Variants in FAM47E observed in about 807,000 individuals in gnomAD.
FAM47E encodes protein FAM47E.
FAM47E carries 32 observed loss-of-function variants against 41.6 expected under a neutral mutation model. The ratio of observed to expected loss-of-function variants is 0.77; its 90% CI spans 0.58 to 1.03. The LOEUF is 1.03. Ranked by LOEUF, FAM47E falls within the 50% of genes least tolerant of loss-of-function variation. FAM47E has a pLI of 0.00. For missense variants in FAM47E, 424 were observed against 485.4 expected, an observed-to-expected ratio of 0.87 and a Z score of 1.19; for synonymous variants, 184 against 188.7, an observed-to-expected ratio of 0.98 and a Z score of 0.20.
chr4:76,234,786 T>C (rs1253253964), intron 2 of FAM47E, among the ~76,000 whole-genome samples: 1 of 152,156 alleles, frequency 6.6e-6, no homozygotes, highest in Admixed American at 6.5e-5. Context: ...GGCGGTGTGT[T>C]CCTGTAGTTC....
chr4:76,221,292 A>G (rs1733302922), intron 2 of FAM47E, among the ~76,000 whole-genome samples: 1 of 152,002 alleles, frequency 6.6e-6, no homozygotes, highest in East Asian at 1.9e-4. Context: ...TCTTTTCCCC[A>G]CTAAAGCCTA....
Position 76,253,783 on chromosome 4 carries a change from A to C in FAM47E, c.74+1963A>C, listed in dbSNP as rs576725999. ...TACACCATTGCACTCCAGCCTGGGT[A>C]ACAGAGTGGAACCCTGTCTCGAATT... On this transcript the variant is annotated intron_variant, in intron 1 of 7. Transcript: ENST00000424749. 2.4e-4 allele frequency among the ~76,000 whole-genome samples: 36 copies of C among 149,416 alleles called. No homozygotes were observed. The South Asian group carries it at 7.3e-3, about 30-fold the overall frequency.
rs181198321 is a variant in FAM47E at position 76,282,124 on chromosome 4, T to C, written c.1105-1257T>C. The C allele has an allele frequency of 7.5e-3, 1,140 of 152,332 alleles. 11 individuals carry two copies. Among genetic ancestry groups the C allele is most frequent in the African/African-American group, 0.026 (1,064 of 41,558 alleles). 9.4% of individuals were successfully genotyped at this position (152,332 alleles called of 1,614,324 possible). A position where few individuals can be genotyped will look rare whatever the true frequency, so the allele number is the denominator to read the frequency against. ...ATTTACAATATAGTGTGTGCGTCAA[T>C]AATTTCTAACAGAATCTTAAAATAG... On this transcript the variant is annotated intron_variant, in intron 7 of 7. Transcript: ENST00000424749.
intron 2 of FAM47E, among the ~76,000 whole-genome samples, chr4:76,243,812 A>G (rs1034431035): frequency 6.6e-6 from 1 of 152,164 alleles, no homozygotes; most frequent in Non-Finnish European, 1.5e-5. Flanking sequence ...TTACATAGGT[A>G]TACATGTGCC....
chr4:76,219,510 G>A (rs945045430), intron 2 of FAM47E, among the ~76,000 whole-genome samples: 7 of 152,164 alleles, frequency 4.6e-5, no homozygotes, highest in African/African-American at 1.2e-4. Context: ...TGAAATCAGG[G>A]CTAAATAAAC....
At chr4:76,265,225 T>C (rs2110014091) in intron 3 of FAM47E, among the ~76,000 whole-genome samples, 1 of 152,352 alleles carries the variant, frequency 6.6e-6, no homozygotes, top group Middle Eastern at 3.4e-3. Flanking sequence ...AGTTCTGCCT[T>C]TCCTCCATGA....
chr4:76,214,386 A>G (rs1306777818), exon 1 of FAM47E: 2 of 435,812 alleles, frequency 4.6e-6, no homozygotes, highest in Admixed American at 2.5e-5. Context: ...GAAGATGTGC[A>G]AAAAAGGGAG....
At chr4:76,245,450 A>C (rs1733805329) in intron 2 of FAM47E, among the ~76,000 whole-genome samples, 1 of 152,154 alleles carries the variant, frequency 6.6e-6, no homozygotes, top group Non-Finnish European at 1.5e-5. Context: ...CTCCAAGAGA[A>C]GGAAGAAATA....
intron 2 of FAM47E, among the ~76,000 whole-genome samples, chr4:76,233,722 C>A (rs977709972): frequency 2.0e-5 from 3 of 152,096 alleles, no homozygotes; most frequent in African/African-American, 7.2e-5. Flanking sequence ...CCAACCACAG[C>A]AGGCTCATCC....
chr4:76,214,371 G>A (rs909978400), exon 1 of FAM47E: 4 of 445,774 alleles, frequency 9.0e-6, no homozygotes, highest in African/African-American at 8.1e-5. Context: ...GCATGTGCAA[G>A]AATGGAAGAT....
chr4:76,239,359 G>A (rs941557723), intron 2 of FAM47E, among the ~76,000 whole-genome samples: 1 of 152,050 alleles, frequency 6.6e-6, no homozygotes, highest in African/African-American at 2.4e-5. Context: ...GTGCATAAGG[G>A]TTCCAATTTC....
intron 4 of FAM47E, 28 bp from the exon 5 acceptor site, chr4:76,271,540 C>T (rs1346977220): frequency 6.4e-7 from 1 of 1,550,610 alleles, no homozygotes; most frequent in Non-Finnish European, 8.7e-7. Context: ...CGATTGCCCT[C>T]AATTCATGCA....
chr4:76,214,232 A>G (rs562568849), exon 1 of FAM47E: 29 of 454,730 alleles, frequency 6.4e-5, no homozygotes, highest in Non-Finnish European at 1.1e-4. Context: ...CCGCAATTAC[A>G]ACACAATGTA....
intron 7 of FAM47E, chr4:76,282,187 T>C (rs776727610): frequency 3.9e-5 from 6 of 152,298 alleles, no homozygotes; most frequent in African/African-American, 7.2e-5. Flanking sequence ...TAGCAAGATA[T>C]TAATCAACAG....
intron 2 of FAM47E, among the ~76,000 whole-genome samples, chr4:76,240,714 A>G (rs2109991482): frequency 6.6e-6 from 1 of 151,952 alleles, no homozygotes; most frequent in Admixed American, 6.5e-5. Context: ...TGTACTTTTT[A>G]GTTCCAGAAA....
At chr4:76,231,069 C>T (rs1733485034) in intron 2 of FAM47E, among the ~76,000 whole-genome samples, 1 of 151,880 alleles carries the variant, frequency 6.6e-6, no homozygotes, top group Non-Finnish European at 1.5e-5. Flanking sequence ...CATGGACTCC[C>T]TATCATAAGC....
chr4:76,220,865 T>G (rs1350002160), intron 2 of FAM47E, among the ~76,000 whole-genome samples: 1 of 152,218 alleles, frequency 6.6e-6, no homozygotes, highest in African/African-American at 2.4e-5. Flanking sequence ...CAAGAATGCT[T>G]CCAGGTGCTC....
chr4:76,258,489 A>G (rs924890841), intron 2 of FAM47E, among the ~76,000 whole-genome samples: 1 of 152,246 alleles, frequency 6.6e-6, no homozygotes. Context: ...TGGGCAGTCA[A>G]AAACCACAGA....
intron 2 of FAM47E, chr4:76,234,322 T>TG (rs1733545951): frequency 6.6e-6 from 1 of 152,632 alleles, no homozygotes; most frequent in Admixed American, 6.5e-5. Context: ...AGCCCCATGT[T>TG]GGGGGTCAAA....
Sources: allele counts gnomAD v4.1 joint callset (sites outside exome capture counted in the v4.1 genomes callset), GRCh38; gene constraint gnomAD v4.1.1; transcripts MANE v1.5; gene names NCBI Gene and HGNC (gene_info 2026-07-23, HGNC 2026-07-21).